The following FBXW7 variants were observed in gnomAD, a reference collection of about 807,000 sequenced individuals.
FBXW7 encodes the protein F-box/WD repeat-containing protein 7.
A neutral mutation model predicts 86.3 loss-of-function variants in FBXW7; 11 were observed. The observed-to-expected ratio is 0.13, with a 90% confidence interval of 0.08 to 0.21. FBXW7 has a LOEUF of 0.21. Among genes scored for constraint, FBXW7 ranks in the 10% least tolerant of loss-of-function variants. The probability of loss-of-function intolerance (pLI) is 1.00; values close to 1 mark genes in which losing one functional copy is unlikely to be tolerated. For synonymous variants in FBXW7, 313 were observed against 297.9 expected (o/e 1.05, Z -0.52); for missense variants, 488 against 847.4 (o/e 0.58, Z 5.27).
At chr4:152,363,987 A>G (rs765402864) in intron 4 of FBXW7, among the ~76,000 whole-genome samples, 42 of 152,162 alleles carry the variant, frequency 2.8e-4, no homozygotes, top group Non-Finnish European at 5.3e-4. Context: ...TTATTTCAGT[A>G]TGCAAATGTG....
chr4:152,436,448 T>C (rs550150635), intron 2 of FBXW7, among the ~76,000 whole-genome samples: 1 of 152,308 alleles, frequency 6.6e-6, no homozygotes, highest in African/African-American at 2.4e-5. Flanking sequence ...AACATATAAG[T>C]ACAAGGTAAA....
intron 2 of FBXW7, among the ~76,000 whole-genome samples, chr4:152,498,434 C>T (rs951922877): frequency 3.9e-5 from 6 of 152,162 alleles, no homozygotes; most frequent in Admixed American, 2.0e-4. Context: ...ATGCATCTAA[C>T]TAGTTTATTA....
At chr4:152,519,756 T>G (rs1362942787) in intron 2 of FBXW7, among the ~76,000 whole-genome samples, 2 of 152,220 alleles carry the variant, frequency 1.3e-5, no homozygotes, top group African/African-American at 4.8e-5. Flanking sequence ...TTTCTATCAT[T>G]TTCCCCTCCT....
intron 2 of FBXW7, among the ~76,000 whole-genome samples, chr4:152,417,954 C>A (rs1164899952): frequency 6.6e-6 from 1 of 152,136 alleles, no homozygotes. Flanking sequence ...CGCATCAAAT[C>A]TTGTCTTGAC....
In FBXW7 at chr4:152,535,996, T is replaced by TCAGCGGCGGCGGCGGCGG. The variant is rs1554005675; in HGVS notation, c.-1100_-1083dup. Reference sequence around the variant, plus strand: ...CTCGGATGCTCCTTCGCTCTCAGTCTCAGCGGCGGCGGCGGCGGCAGCGGC... The same window carrying TCAGCGGCGGCGGCGGCGG: ...CTCGGATGCTCCTTCGCTCTCAGTCTCAGCGGCGGCGGCGGCGGCAGCGGCGGCGGCGGCGGCAGCGGC... On this transcript the variant is annotated 5_prime_UTR_variant, in exon 1 of 14. Transcript: ENST00000281708. 11 of 241,176 alleles carry TCAGCGGCGGCGGCGGCGG rather than the reference T, an allele frequency of 4.6e-5. No homozygotes were observed. Among genetic ancestry groups the TCAGCGGCGGCGGCGGCGG allele is most frequent in the African/African-American group, 9.2e-5 (4 of 43,456 alleles). 14.9% of individuals were successfully genotyped at this position (241,176 alleles called of 1,614,324 possible).
chr4:152,498,338 G>GAT (rs1746571901), intron 2 of FBXW7, among the ~76,000 whole-genome samples: 2 of 152,024 alleles, frequency 1.3e-5, no homozygotes, highest in African/African-American at 4.8e-5. Flanking sequence ...TAATTCAGAA[G>GAT]ATATGATCAC....
At chr4:152,496,641 A>G (rs1746375165) in intron 2 of FBXW7, among the ~76,000 whole-genome samples, 1 of 152,086 alleles carries the variant, frequency 6.6e-6, no homozygotes, top group African/African-American at 2.4e-5. Flanking sequence ...TCACAACAAA[A>G]GCAAGACTCC....
chr4:152,451,448 A>C (rs1022908579), intron 2 of FBXW7, among the ~76,000 whole-genome samples: 101 of 152,196 alleles, frequency 6.6e-4, no homozygotes, highest in African/African-American at 2.3e-3. Context: ...TCAATGCTCA[A>C]ATTTATTTGC....
intron 2 of FBXW7, among the ~76,000 whole-genome samples, chr4:152,464,534 T>C (rs1216781312): frequency 2.6e-5 from 4 of 152,050 alleles, no homozygotes; most frequent in Admixed American, 2.0e-4. Flanking sequence ...ATCAAAAAGA[T>C]AAAAATTACC....
At chr4:152,448,154 A>G (rs961618111) in intron 2 of FBXW7, among the ~76,000 whole-genome samples, 1 of 152,252 alleles carries the variant, frequency 6.6e-6, no homozygotes, top group African/African-American at 2.4e-5. Flanking sequence ...AGTCTCACAT[A>G]AACTCCAGGC....
chr4:152,412,984 A>C (rs1738104952), intron 2 of FBXW7, among the ~76,000 whole-genome samples: 1 of 152,046 alleles, frequency 6.6e-6, no homozygotes, highest in African/African-American at 2.4e-5. Flanking sequence ...TCATTCTTAC[A>C]TTTTATCCTT....
intron 4 of FBXW7, among the ~76,000 whole-genome samples, chr4:152,378,875 A>G (rs1734798694): frequency 3.9e-5 from 6 of 151,978 alleles, no homozygotes; most frequent in Admixed American, 2.6e-4. Flanking sequence ...ATGCGGTGGC[A>G]TGCACCTGTA....
intron 6 of FBXW7, among the ~76,000 whole-genome samples, chr4:152,343,952 T>C (rs553205690): frequency 2.4e-4 from 37 of 152,220 alleles, no homozygotes; most frequent in Middle Eastern, 3.4e-3. Flanking sequence ...ACAGAGTACT[T>C]TGTCAGAATA....
chr4:152,352,129 A>G (rs970461238), intron 4 of FBXW7, among the ~76,000 whole-genome samples: 1 of 152,180 alleles, frequency 6.6e-6, no homozygotes, highest in Non-Finnish European at 1.5e-5. Context: ...AACTGTATAC[A>G]AGGTATAGAA....
chr4:152,535,400 G>GAGGGGAGGGGGA lies in FBXW7; in HGVS notation c.-498_-487dup, dbSNP rs1234793514. ...AGGGAGAAGACCCCCGGAGGGGGCT[G>GAGGGGAGGGGGA]AGGGGAGGGGGAAGGTGAGGAAAGG... On this transcript the variant is annotated 5_prime_UTR_variant, in exon 1 of 14. Transcript: ENST00000281708. 2.6e-6 allele frequency: 1 copy of GAGGGGAGGGGGA among 386,036 alleles called. No homozygotes were observed. The highest frequency in any genetic ancestry group is 4.6e-6 in the Non-Finnish European group (1 of 218,382). The allele number at this position is 386,036 out of a possible 1,614,324, so 23.9% of individuals were successfully genotyped here.
chr4:152,348,694 T>C, intron 5 of FBXW7: 1 of 1,168,960 alleles, frequency 8.6e-7, no homozygotes, highest in East Asian at 6.5e-5. Context: ...GTATCAGCCA[T>C]ATTAATAGAA....
rs1469240267 is a variant in FBXW7 at position 152,478,453 on chromosome 4, T to C, written c.-120+56488A>G. ...TCTACTATATGTATAAACACATTTG[T>C]CCATTCATCTGTTCACAGACATTTG... On this transcript the variant is annotated intron_variant, in intron 2 of 13. Transcript: ENST00000281708. 3.3e-5 allele frequency among the ~76,000 whole-genome samples: 5 copies of C among 152,144 alleles called. No individual in the cohort carries two copies. In the South Asian group the frequency reaches 8.3e-4, roughly 25 times the overall value.
At chr4:152,357,170 G>C (rs1442832364) in intron 4 of FBXW7, among the ~76,000 whole-genome samples, 8 of 152,042 alleles carry the variant, frequency 5.3e-5, no homozygotes, top group African/African-American at 1.9e-4. Flanking sequence ...CACTGTAATA[G>C]ATAATCTTAC....
chr4:152,396,292 C>T (rs1407145556), intron 4 of FBXW7, among the ~76,000 whole-genome samples: 1 of 151,878 alleles, frequency 6.6e-6, no homozygotes. Flanking sequence ...TCTGCACTTG[C>T]CCCCTCCCAT....
Sources: allele counts gnomAD v4.1 joint callset (sites outside exome capture counted in the v4.1 genomes callset), GRCh38; gene constraint gnomAD v4.1.1; transcripts MANE v1.5; gene names NCBI Gene and HGNC (gene_info 2026-07-23, HGNC 2026-07-21).